The following SEC31A variants were observed in gnomAD, a reference collection of about 807,000 sequenced individuals.
SEC31A encodes SEC31 homolog A, COPII component.
SEC31A carries 70 observed loss-of-function variants against 151.0 expected under a neutral mutation model. That is an observed-to-expected ratio of 0.46 (90% CI 0.38 to 0.57). SEC31A has a LOEUF of 0.57. Ranked by LOEUF, SEC31A falls within the 20% of genes least tolerant of loss-of-function variation. The probability of loss-of-function intolerance (pLI) is 0.00; values close to 1 mark genes in which losing one functional copy is unlikely to be tolerated. For synonymous variants in SEC31A, 475 were observed against 505.9 expected (o/e 0.94, Z 0.82); for missense variants, 1,330 against 1,471.2 (o/e 0.90, Z 1.57).
chr4:82,887,038 A>G (rs1164826053), intron 1 of SEC31A, among the ~76,000 whole-genome samples: 1 of 152,238 alleles, frequency 6.6e-6, no homozygotes, highest in East Asian at 1.9e-4. Context: ...TAGAGTGACC[A>G]GTTTCAGATA....
chr4:82,832,753 CA>C (rs1726242549), intron 22 of SEC31A, among the ~76,000 whole-genome samples: 1 of 152,136 alleles, frequency 6.6e-6, no homozygotes, highest in African/African-American at 2.4e-5. Flanking sequence ...ATGATATGAA[CA>C]GACACTTCTC....
intron 1 of SEC31A, among the ~76,000 whole-genome samples, chr4:82,886,492 G>C (rs2125915296): frequency 6.6e-6 from 1 of 152,262 alleles, no homozygotes; most frequent in Non-Finnish European, 1.5e-5. Context: ...GCTTTTGATA[G>C]GTTTGCTATT....
intron 11 of SEC31A, among the ~76,000 whole-genome samples, chr4:82,863,942 C>G (rs1323151234): frequency 6.6e-6 from 1 of 152,062 alleles, no homozygotes; most frequent in East Asian, 1.9e-4. Context: ...AATCTAACTC[C>G]TCTTAAAGTA....
At position 82,851,124 on chromosome 4, in the gene SEC31A, T is replaced by C. The variant is rs112160082; in HGVS notation, c.2328+307A>G. 5.4e-3 allele frequency among the ~76,000 whole-genome samples: 816 copies of C among 152,354 alleles called. 12 individuals are homozygous for C. Among genetic ancestry groups the C allele is most frequent in the African/African-American group, 0.019 (773 of 41,588 alleles). ...ACATAAAATATTCCTACAAAGAACT[T>C]TGTATGAAGAATCAGCATTTGGCTT... is the stretch of plus-strand genomic sequence containing the variant. On this transcript the variant is annotated intron_variant, in intron 19 of 26. Coordinates refer to ENST00000395310, the MANE Select transcript of SEC31A (RefSeq NM_001077207.4).
intron 5 of SEC31A, among the ~76,000 whole-genome samples, chr4:82,875,409 C>T (rs1466502455): frequency 6.6e-6 from 1 of 152,166 alleles, no homozygotes; most frequent in African/African-American, 2.4e-5. Flanking sequence ...GCAACTATCA[C>T]ACAAAGAACA....
intron 10 of SEC31A, among the ~76,000 whole-genome samples, chr4:82,866,555 G>A (rs1735447358): frequency 6.6e-6 from 1 of 151,940 alleles, no homozygotes; most frequent in Non-Finnish European, 1.5e-5. Context: ...TGTACTTAAT[G>A]CCATTGAACT....
intron 8 of SEC31A, among the ~76,000 whole-genome samples, chr4:82,868,873 G>C (rs1416813008): frequency 1.3e-5 from 2 of 151,758 alleles, no homozygotes; most frequent in African/African-American, 2.4e-5. Context: ...TTTTGTATTT[G>C]TTGTGGAGAT....
At chr4:82,857,630 G>C in intron 15 of SEC31A, 59 bp downstream of exon 15, 2 of 1,075,472 alleles carry the variant, frequency 1.9e-6, no homozygotes, top group Non-Finnish European at 2.9e-6. Flanking sequence ...TTAAATGCAG[G>C]AACTATTTGT....
At chr4:82,858,430 C>G (rs1266413909) in intron 14 of SEC31A, among the ~76,000 whole-genome samples, 3 of 150,630 alleles carry the variant, frequency 2.0e-5, no homozygotes, top group Non-Finnish European at 4.4e-5. Context: ...TGTAGCCCCA[C>G]CTACTCGGGA....
At chr4:82,842,601 C>T (rs1729157961) in intron 21 of SEC31A, 120 bp from the exon 22 acceptor site, 5 of 795,926 alleles carry the variant, frequency 6.3e-6, no homozygotes, top group South Asian at 4.2e-5. Flanking sequence ...AGTTACAATC[C>T]CAAATTAAAA....
intron 1 of SEC31A, among the ~76,000 whole-genome samples, chr4:82,889,960 G>T (rs1367088734): frequency 6.6e-6 from 1 of 152,096 alleles, no homozygotes; most frequent in Non-Finnish European, 1.5e-5. Flanking sequence ...GGGCGTGGTG[G>T]CTTATGCCTG....
At chr4:82,846,283 G>A (rs574947904) in intron 20 of SEC31A, among the ~76,000 whole-genome samples, 4 of 151,420 alleles carry the variant, frequency 2.6e-5, no homozygotes, top group East Asian at 1.9e-4. Flanking sequence ...GATTACAGGC[G>A]TGAGCCACCA....
intron 3 of SEC31A, among the ~76,000 whole-genome samples, chr4:82,897,092 G>A (rs1342309846): frequency 6.6e-6 from 1 of 152,070 alleles, no homozygotes; most frequent in Non-Finnish European, 1.5e-5. Flanking sequence ...CTGCTCAAAA[G>A]TTCTATTAGA....
chr4:82,897,580 CAAA>C (rs950821671), intron 3 of SEC31A, among the ~76,000 whole-genome samples: 2 of 150,996 alleles, frequency 1.3e-5, no homozygotes, highest in African/African-American at 4.9e-5. Flanking sequence ...ACCAAATATA[CAAA>C]AAAAAATTAG....
At chr4:82,829,129 C>G in intron 22 of SEC31A, 71 bp from the exon 23 acceptor site, 5 of 1,253,612 alleles carry the variant, frequency 4.0e-6, no homozygotes, top group Non-Finnish European at 5.8e-6. Context: ...GAATCGATCA[C>G]CTAATACTTC....
chr4:82,866,711 T>A, intron 10 of SEC31A, 97 bp downstream of exon 10: 1 of 1,102,322 alleles, frequency 9.1e-7, no homozygotes, highest in Non-Finnish European at 1.2e-6. Flanking sequence ...AAATCCCAAC[T>A]TAAACCCTGA....
At chr4:82,879,217 T>C (rs1032618424) in intron 3 of SEC31A, among the ~76,000 whole-genome samples, 24 of 152,184 alleles carry the variant, frequency 1.6e-4, no homozygotes, top group Non-Finnish European at 1.5e-5. Flanking sequence ...TTAAGAATGA[T>C]TTTACCATTT....
chr4:82,884,021 T>C (rs2125884170), intron 1 of SEC31A, among the ~76,000 whole-genome samples: 1 of 150,038 alleles, frequency 6.7e-6, no homozygotes, highest in African/African-American at 2.4e-5. Flanking sequence ...GGAGTTTCGT[T>C]CTGTCACCCA....
Position 82,851,503 on chromosome 4 carries a change from C to A in SEC31A, c.2256G>T (p.Gln752His), listed in dbSNP as rs745879365. 2 of 1,614,126 alleles carry A rather than the reference C, an allele frequency of 1.2e-6. No homozygotes were observed. The highest frequency in any genetic ancestry group is 2.2e-5 in the South Asian group (2 of 91,082). Residue 752 changes from glutamine to histidine, a missense_variant, in exon 19 of 27, where the codon CAG becomes CAT. By Grantham distance (24) the Gln-to-His change is conservative. Coordinates refer to ENST00000395310, the MANE Select transcript of SEC31A (RefSeq NM_001077207.4). ...CCTGAGCTGCCAACAAATTGGCATA[C>A]TGACTCATCTTCGCAGCCAAGAGAA... ...VGVLLAAKMS[Q>H]YANLLAAQGS...
Sources: gnomAD v4.1 joint callset for allele counts (sites outside exome capture counted in the v4.1 genomes callset) on GRCh38, gnomAD v4.1.1 for gene constraint, MANE v1.5 for transcripts, NCBI Gene and HGNC (gene_info 2026-07-23, HGNC 2026-07-21) for gene names.